Variants in RSF1 observed in about 807,000 individuals in gnomAD.
RSF1 encodes the protein HBV pX-associated protein 8.
A neutral mutation model predicts 145.2 loss-of-function variants in RSF1; 13 were observed. That is an observed-to-expected ratio of 0.09 (90% CI 0.06 to 0.14). RSF1 has a LOEUF of 0.14. RSF1 is among the 10% of genes least tolerant of loss of function. The pLI, the probability that RSF1 is intolerant of heterozygous loss-of-function variation, is 1.00. For missense variants in RSF1, 1,517 were observed against 1,718.2 expected (o/e 0.88, Z 2.07); for synonymous variants, 577 against 592.6 (o/e 0.97, Z 0.38).
intron 1 of RSF1, among the ~76,000 whole-genome samples, chr11:77,792,682 T>C (rs1404190158): frequency 6.0e-5 from 9 of 150,402 alleles, no homozygotes; most frequent in Non-Finnish European, 1.3e-4. Flanking sequence ...ATGCTCAGAA[T>C]CTCAGCAGAA....
At chr11:77,822,369 C>T (rs990049078), upstream of RSF1, among the ~76,000 whole-genome samples, 180 of 142,810 alleles carry the variant, frequency 1.3e-3, no homozygotes, top group African/African-American at 4.4e-3. Context: ...GAGTCGAGGT[C>T]GCGCCACTGC....
At chr11:77,739,124 AGAGATGGGGTTTCACCATGCTAGCCAG>A (rs1565165698) in intron 4 of RSF1, 1 of 152,182 alleles carries the variant, frequency 6.6e-6, no homozygotes, top group African/African-American at 2.4e-5. Context: ...TATTTTTAGT[AGAGATGGGGTTTCACCATGCTAGCCAG>A]GCTGGTCTCA....
At chr11:77,868,423 A>T in the RSF1 span, among the ~76,000 whole-genome samples, 5 of 132,442 alleles carry the variant, frequency 3.8e-5, no homozygotes, top group African/African-American at 1.5e-4. Flanking sequence ...CAATGGCGTG[A>T]TCTCAGCTCA....
At chr11:77,834,548 G>A in the RSF1 span, among the ~76,000 whole-genome samples, 1 of 148,850 alleles carries the variant, frequency 6.7e-6, no homozygotes, top group African/African-American at 2.5e-5. Flanking sequence ...CTGAGTAGCT[G>A]GAATTACAAG....
chr11:77,742,240 G>A lies in RSF1; in HGVS notation c.373-1304C>T, dbSNP rs146684857. 4.4e-4 allele frequency among the ~76,000 whole-genome samples: 67 copies of A among 152,152 alleles called. No homozygotes were observed. The East Asian group carries it at 5.4e-3, about 12-fold the overall frequency. ...CTCCATGTTATTTTCCATAATAGCCGAACTAATTTACATTCTCACAATCAG... is the reference window on the plus strand; with the variant it reads ...CTCCATGTTATTTTCCATAATAGCCAAACTAATTTACATTCTCACAATCAG... On this transcript the variant is annotated intron_variant, in intron 3 of 15. Transcript: ENST00000308488.
At chr11:77,737,621 G>GGTGTGTGTGT (rs1170824350) in intron 4 of RSF1, among the ~76,000 whole-genome samples, 44 of 93,530 alleles carry the variant, frequency 4.7e-4, no homozygotes, top group East Asian at 3.4e-3. Context: ...TGTTTTGGGG[G>GGTGTGTGTGT]GTGTGTGTGT....
chr11:77,856,113 G>C, the RSF1 span, among the ~76,000 whole-genome samples: 1 of 151,962 alleles, frequency 6.6e-6, no homozygotes. Flanking sequence ...GTGACACTCT[G>C]TCTCAAAAAA....
intron 1 of RSF1, among the ~76,000 whole-genome samples, chr11:77,772,898 C>T (rs979455753): frequency 2.0e-5 from 3 of 148,822 alleles, no homozygotes; most frequent in Non-Finnish European, 4.4e-5. Context: ...AGACATCTAG[C>T]CTTCCATTCC....
At position 77,701,057 on chromosome 11, in the gene RSF1, T is replaced by C. The variant is rs2135853229; in HGVS notation, c.2172A>G (p.Ile724Met). The C allele has an allele frequency of 6.2e-7, 1 of 1,613,876 alleles. No homozygotes were observed. The highest frequency in any genetic ancestry group is 1.3e-5 in the African/African-American group (1 of 75,040). Residue 724 changes from isoleucine to methionine, a missense_variant, in exon 6 of 16, where the codon ATA becomes ATG. Physicochemically the swap from Ile to Met is conservative, Grantham distance 10 (BLOSUM62 1). Transcript: ENST00000308488. ...EETTASENTE[I>M]TSERQKEGIK... ...TGCCCTCTTTCTGCCTTTCAGAGGT[T>C]ATCTCTGTATTTTCTGAGGCAGTGG...
intron 11 of RSF1, among the ~76,000 whole-genome samples, chr11:77,683,216 G>T (rs557761250): frequency 6.6e-6 from 1 of 152,072 alleles, no homozygotes; most frequent in Non-Finnish European, 1.5e-5. Flanking sequence ...GCTTGAACCC[G>T]AGAGGTGGAG....
intron 11 of RSF1, among the ~76,000 whole-genome samples, chr11:77,680,378 C>T (rs959483395): frequency 2.0e-5 from 3 of 151,992 alleles, no homozygotes; most frequent in Non-Finnish European, 4.4e-5. Context: ...AGTTCGAGGC[C>T]GCAGTGAGCT....
chr11:77,854,955 G>T, the RSF1 span, among the ~76,000 whole-genome samples: 1 of 152,192 alleles, frequency 6.6e-6, no homozygotes, highest in East Asian at 1.9e-4. Context: ...AGCCTCAATT[G>T]TCACACTCTG....
chr11:77,832,484 G>A, the RSF1 span, among the ~76,000 whole-genome samples: 3 of 152,054 alleles, frequency 2.0e-5, no homozygotes, highest in South Asian at 6.2e-4. Context: ...GCGCCACCAT[G>A]CCCACCTAAT....
At chr11:77,796,709 A>T (rs1286431073) in intron 1 of RSF1, among the ~76,000 whole-genome samples, 1 of 152,240 alleles carries the variant, frequency 6.6e-6, no homozygotes, top group East Asian at 1.9e-4. Flanking sequence ...GGAAGAGAAG[A>T]AGTCAAATTG....
chr11:77,821,223 TGAG>T (rs1948881696), upstream of RSF1: 1 of 274,826 alleles, frequency 3.6e-6, no homozygotes, highest in African/African-American at 2.2e-5. Flanking sequence ...AACGCAACTT[TGAG>T]GAGACAGTGC....
chr11:77,802,577 CTT>C (rs1948636543), intron 1 of RSF1, among the ~76,000 whole-genome samples: 2 of 152,016 alleles, frequency 1.3e-5, no homozygotes, highest in South Asian at 4.1e-4. Flanking sequence ...GAGTTTTACT[CTT>C]ATTGCTCAGG....
At chr11:77,868,132 T>C in the RSF1 span, among the ~76,000 whole-genome samples, 266 of 149,544 alleles carry the variant, frequency 1.8e-3, 2 homozygotes, top group Middle Eastern at 6.9e-3. Context: ...CTTGGCTCAC[T>C]GCAAGCTCTG....
chr11:77,843,824 C>A, the RSF1 span, among the ~76,000 whole-genome samples: 1 of 152,094 alleles, frequency 6.6e-6, no homozygotes, highest in African/African-American at 2.4e-5. Flanking sequence ...AATGGACTTA[C>A]AGTTCCACAT....
intron 1 of RSF1, among the ~76,000 whole-genome samples, chr11:77,777,207 T>G (rs1372808666): frequency 6.6e-6 from 1 of 152,206 alleles, no homozygotes; most frequent in Non-Finnish European, 1.5e-5. Flanking sequence ...CATAATACCA[T>G]TATTACCTCT....
Sources: gnomAD v4.1 joint callset for allele counts (sites outside exome capture counted in the v4.1 genomes callset) on GRCh38, gnomAD v4.1.1 for gene constraint, MANE v1.5 for transcripts, NCBI Gene and HGNC (gene_info 2026-07-23, HGNC 2026-07-21) for gene names.